CHD2: variants seen among roughly 807,000 people sequenced by gnomAD.
The protein encoded by CHD2 is ATP-dependent chromatin remodeler CHD2.
CHD2 carries 28 observed loss-of-function variants against 243.9 expected under a neutral mutation model. The observed-to-expected ratio is 0.11, with a 90% CI of 0.09 to 0.16. The LOEUF is 0.16. Among genes scored for constraint, CHD2 ranks in the 10% least tolerant of loss-of-function variants. The probability of loss-of-function intolerance (pLI) is 1.00; values close to 1 mark genes in which losing one functional copy is unlikely to be tolerated. For missense variants in CHD2, 1,386 were observed against 2,209.8 expected (o/e 0.63, Z 7.47); for synonymous variants, 775 against 779.0 (o/e 0.99, Z 0.09).
chr15:92,983,043 A>G (rs1408314604), intron 24 of CHD2, among the ~76,000 whole-genome samples: 2 of 152,104 alleles, frequency 1.3e-5, no homozygotes, highest in South Asian at 2.1e-4. Context: ...TTATCTTCCC[A>G]TGGTAGAGAG....
rs775214345 is a variant in CHD2, at chr15:92,998,632, T to C, written c.4008+11T>C. ...ACAGGTGGGGAAGAGGTGAGTACGC[T>C]GCCAGCTGGTTGTTTTTCAGGGGCC... On this transcript the variant is annotated intron_variant, in intron 31 of 38. Coordinates refer to ENST00000394196, the MANE Select transcript of CHD2 (RefSeq NM_001271.4). The surrounding 1 kb of genome is among the most constrained non-coding windows in gnomAD (Gnocchi z 5.1). 4 of 1,609,862 alleles carry C rather than the reference T, an allele frequency of 2.5e-6. No homozygotes were observed. Among genetic ancestry groups the C allele is most frequent in the Non-Finnish European group, 3.4e-6 (4 of 1,178,080 alleles).
chr15:92,936,010 A>G (rs898475435), intron 5 of CHD2, among the ~76,000 whole-genome samples: 2 of 152,172 alleles, frequency 1.3e-5, no homozygotes, highest in African/African-American at 4.8e-5. Context: ...AGACGAACAA[A>G]AAGTCTTGGT....
intron 28 of CHD2, among the ~76,000 whole-genome samples, chr15:92,995,992 T>G (rs955531169): frequency 6.6e-6 from 1 of 152,144 alleles, no homozygotes; most frequent in Non-Finnish European, 1.5e-5. Context: ...GTCACTTGCA[T>G]TTTGTTCTAT....
intron 6 of CHD2, 56 bp from the exon 7 acceptor site, chr15:92,939,522 G>A: frequency 6.4e-7 from 1 of 1,570,308 alleles, no homozygotes; most frequent in Non-Finnish European, 8.7e-7. Flanking sequence ...GTTATATAAA[G>A]TAGACACCAA....
At chr15:92,947,754 A>G (rs1420438638) in intron 12 of CHD2, among the ~76,000 whole-genome samples, 2 of 152,174 alleles carry the variant, frequency 1.3e-5, no homozygotes, top group Non-Finnish European at 2.9e-5. Context: ...GTAGGAGTGG[A>G]TGGATGGCTG....
chr15:92,972,458 C>G, intron 19 of CHD2, 41 bp downstream of exon 19: 1 of 1,517,936 alleles, frequency 6.6e-7, no homozygotes, highest in East Asian at 2.4e-5. Context: ...GAATCAATCT[C>G]TCTCTCCGCC....
In CHD2 at chr15:93,009,241, A is replaced by C; in HGVS notation, c.4510A>C (p.Asn1504His). 6.2e-7 allele frequency: 1 copy of C among 1,614,232 alleles called. No individual in the cohort carries two copies. Among genetic ancestry groups the C allele is most frequent in the Non-Finnish European group, 8.5e-7 (1 of 1,180,032 alleles). ...NVQEQLEHTRNCLLKIGDRIA... is the reference protein window; with the variant it reads ...NVQEQLEHTRHCLLKIGDRIA... ...GCAAGAACAGCTGGAACACACCCGG[A>C]ACTGCCTGCTGAAAATCGGAGACCG... The change falls in exon 35 of 39, where the codon AAC (asparagine) becomes CAC (histidine). Residue 1504 changes from asparagine (N) to histidine (H), a missense_variant. Asn to His is a moderately conservative substitution (Grantham distance 68, BLOSUM62 1). This residue lies in a region of CHD2 where 42 missense variants were observed against 47.6 expected (regional missense o/e 0.88). Transcript: ENST00000394196.
intron 20 of CHD2, among the ~76,000 whole-genome samples, chr15:92,976,892 C>T (rs1257631256): frequency 6.7e-6 from 1 of 149,170 alleles, no homozygotes; most frequent in Non-Finnish European, 1.5e-5. Flanking sequence ...GAATGAGACC[C>T]TGTCTCAAAA....
At chr15:92,967,602 T>G (rs1339845014) in intron 17 of CHD2, 89 bp downstream of exon 17, 2 of 936,476 alleles carry the variant, frequency 2.1e-6, no homozygotes, top group South Asian at 3.3e-5. Flanking sequence ...ACTTTTGTTT[T>G]TTTTTTTTTT....
intron 20 of CHD2, 92 bp from the exon 21 acceptor site, chr15:92,978,142 C>A: frequency 6.8e-7 from 1 of 1,468,470 alleles, no homozygotes; most frequent in Middle Eastern, 1.7e-4. Context: ...TTCTTCACAC[C>A]TGCAGGGGTT....
chr15:93,015,603 C>T (rs1010802586), intron 37 of CHD2, among the ~76,000 whole-genome samples: 1 of 152,084 alleles, frequency 6.6e-6, no homozygotes, highest in African/African-American at 2.4e-5. Context: ...TATTACCAAC[C>T]GTACATCTGA....
At chr15:92,911,438 A>G (rs2052732563) in intron 2 of CHD2, among the ~76,000 whole-genome samples, 1 of 152,204 alleles carries the variant, frequency 6.6e-6, no homozygotes, top group Non-Finnish European at 1.5e-5. Context: ...TGTCAAATTA[A>G]TGGGTAAGAG....
At chr15:92,950,392 C>T (rs911192009) in intron 13 of CHD2, 2 of 152,110 alleles carry the variant, frequency 1.3e-5, no homozygotes, top group Non-Finnish European at 2.9e-5. Flanking sequence ...AACAGTGAAC[C>T]TATATAGATG....
chr15:92,998,087 C>G lies in CHD2; in HGVS notation c.3886-412C>G. On this transcript the variant is annotated intron_variant, in intron 30 of 38. Transcript: ENST00000394196. The surrounding 1 kb of genome is among the most constrained non-coding windows in gnomAD (Gnocchi z 5.1). ...AGGAACAGATCATGTCCTGGCGTAG[C>G]TCAGTGCTCTCCGGCAATGCTCTAA... 1.5e-6 allele frequency: 1 copy of G among 650,456 alleles called. No individual in the cohort carries two copies. Among genetic ancestry groups the G allele is most frequent in the Non-Finnish European group, 1.9e-6 (1 of 518,332 alleles). 40.3% of individuals were successfully genotyped at this position (650,456 alleles called of 1,614,324 possible). A position where few individuals can be genotyped will look rare whatever the true frequency, so the allele number is the denominator to read the frequency against.
chr15:92,944,543 A>G (rs377118164), intron 10 of CHD2, 28 bp downstream of exon 10: 1 of 1,208,780 alleles, frequency 8.3e-7, no homozygotes, highest in Non-Finnish European at 1.2e-6. Flanking sequence ...CACTTCAGCC[A>G]TATTTGAACT....
chr15:92,924,244 C>A, intron 2 of CHD2, 77 bp from the exon 3 acceptor site: 2 of 1,295,294 alleles, frequency 1.5e-6, no homozygotes, highest in Non-Finnish European at 2.2e-6. Context: ...AAATGTTTTA[C>A]CATGAGAATT....
chr15:92,991,636 A>G (rs967162795), intron 27 of CHD2, 119 bp downstream of exon 27: 3 of 631,804 alleles, frequency 4.7e-6, no homozygotes, highest in Non-Finnish European at 8.0e-6. Flanking sequence ...TTTTCTGGAA[A>G]CATTTATTTA....
chr15:92,984,064 A>G (rs984515237), intron 24 of CHD2, among the ~76,000 whole-genome samples: 1 of 152,226 alleles, frequency 6.6e-6, no homozygotes, highest in African/African-American at 2.4e-5. Flanking sequence ...AGCTCATTCA[A>G]TAAAACTTAT....
At chr15:92,907,576 T>G (rs2052646034) in intron 2 of CHD2, among the ~76,000 whole-genome samples, 1 of 152,246 alleles carries the variant, frequency 6.6e-6, no homozygotes, top group Non-Finnish European at 1.5e-5. Context: ...CAGCTTTTAC[T>G]TTAGTCCTGA....
Sources: gnomAD v4.1 joint callset for allele counts (sites outside exome capture counted in the v4.1 genomes callset) on GRCh38, gnomAD v4.1.1 for gene constraint, gnomAD v4.1.1 regional missense constraint, Gnocchi (gnomAD v3.1) non-coding constraint, MANE v1.5 for transcripts, NCBI Gene and HGNC (gene_info 2026-07-23, HGNC 2026-07-21) for gene names.